Variants in MAIP1 observed in about 807,000 individuals in gnomAD.
MAIP1 encodes m-AAA protease-interacting protein 1, mitochondrial.
A neutral mutation model predicts 31.2 loss-of-function variants in MAIP1; 28 were observed. That is an observed-to-expected ratio of 0.90 (90% CI 0.67 to 1.23). The LOEUF is 1.23. Ranked by LOEUF, MAIP1 falls within the 50% of genes most tolerant of loss-of-function variation. MAIP1 has a pLI of 0.00. For missense variants in MAIP1, 339 were observed against 356.0 expected, an observed-to-expected ratio of 0.95 and a Z score of 0.38; for synonymous variants, 142 against 142.3, an observed-to-expected ratio of 1.00 and a Z score of 0.02.
At chr2:199,955,486 C>T (rs2077591872), upstream of MAIP1, 1 of 1,612,744 alleles carries the variant, frequency 6.2e-7, no homozygotes, top group African/African-American at 1.3e-5. Context: ...CTCACGCCTG[C>T]CCTCTTCCAG....
intron 3 of MAIP1, among the ~76,000 whole-genome samples, chr2:199,961,070 G>A (rs765189373): frequency 6.6e-6 from 1 of 152,134 alleles, no homozygotes; most frequent in African/African-American, 2.4e-5. Flanking sequence ...ACTCTTTCTG[G>A]CAGTTGAAGT....
At chr2:199,963,328 C>G (rs926261888) in intron 4 of MAIP1, among the ~76,000 whole-genome samples, 1 of 151,940 alleles carries the variant, frequency 6.6e-6, no homozygotes, top group African/African-American at 2.4e-5. Flanking sequence ...TAGCTTTTTG[C>G]CTGTATCCTA....
At chr2:199,959,141 T>G in intron 1 of MAIP1, 127 bp from the exon 2 acceptor site, 1 of 597,826 alleles carries the variant, frequency 1.7e-6, no homozygotes, top group Non-Finnish European at 3.0e-6. Flanking sequence ...CTTGATAAAT[T>G]AATATTTGAT....
At chr2:199,955,492 TC>T, upstream of MAIP1, 3 of 1,611,812 alleles carry the variant, frequency 1.9e-6, no homozygotes, top group South Asian at 2.2e-5. Context: ...CCTGCCCTCT[TC>T]CAGGTCTTCG....
In MAIP1 at chr2:199,956,232, C is replaced by T; in HGVS notation, c.434C>T (p.Ser145Phe). Residue 145 changes from serine (S) to phenylalanine (F), a missense_variant, in exon 1 of 5, where the codon TCC becomes TTC. Coordinates refer to ENST00000392290, the MANE Select transcript of MAIP1 (RefSeq NM_001394955.1). ...AAAGAGTTCAGCATCACAGAGTTCT[C>T]CGAGGGAGCGAAGCAGGTTTGTTTA... The part of the protein sequence containing the change: ...FDKEFSITEF[S>F]EGAKQAFAHV... 6.2e-7 allele frequency: 1 copy of T among 1,612,102 alleles called. No individual in the cohort carries two copies. Among genetic ancestry groups the T allele is most frequent in the Non-Finnish European group, 8.5e-7 (1 of 1,178,766 alleles).
In MAIP1 at chr2:199,959,760, C is replaced by CA; in HGVS notation, c.530dup (p.His177GlnfsTer12). 6.2e-7 allele frequency: 1 copy of CA among 1,611,528 alleles called. No homozygotes were observed. Among genetic ancestry groups the CA allele is most frequent in the Non-Finnish European group, 8.5e-7 (1 of 1,179,080 alleles). ...TTGCTTTTTTCAAACTTAGGTGCTA[C>CA]ATGCATTGAAAGAAAAGGTTACTTC... On this transcript the variant is annotated frameshift_variant, in exon 3 of 5. Coordinates refer to ENST00000392290, the MANE Select transcript of MAIP1 (RefSeq NM_001394955.1). LOFTEE classifies it high-confidence loss of function.
intron 3 of MAIP1, among the ~76,000 whole-genome samples, chr2:199,961,241 T>G (rs1397066512): frequency 6.6e-6 from 1 of 152,098 alleles, no homozygotes; most frequent in African/African-American, 2.4e-5. Context: ...GGCAGGTGGA[T>G]CACTTGAGCT....
chr2:199,956,709 A>G (rs2077607528), intron 1 of MAIP1, among the ~76,000 whole-genome samples: 2 of 152,334 alleles, frequency 1.3e-5, no homozygotes, highest in Admixed American at 6.5e-5. Context: ...TAATTGAGAT[A>G]ACATTTCCAA....
Position 199,963,775 on chromosome 2 carries a change from C to A in MAIP1, c.840C>A (p.Thr280=), listed in dbSNP as rs762342853. 5.0e-6 allele frequency: 8 copies of A among 1,609,768 alleles called. No individual in the cohort carries two copies. Among genetic ancestry groups the A allele is most frequent in the Admixed American group, 1.7e-5 (1 of 59,866 alleles). Residue 280 remains threonine (T), a synonymous_variant, in exon 5 of 5, where the codon ACC becomes ACA. Transcript: ENST00000392290. ...EFTQGVKPDW[T]IARIEHSKLL... is the part of the protein sequence containing the mutation. ...CACAAGGAGTAAAGCCTGACTGGAC[C>A]ATTGCACGGATTGAACACTCAAAAT...
At position 199,959,820 on chromosome 2, in the gene MAIP1, A is replaced by G. The variant is rs2077626898; in HGVS notation, c.589A>G (p.Asn197Asp). 1 of 1,611,712 alleles carries G rather than the reference A, an allele frequency of 6.2e-7. No individual in the cohort carries two copies. Among genetic ancestry groups the G allele is most frequent in the East Asian group, 2.2e-5 (1 of 44,768 alleles). Residue 197 changes from asparagine (N) to aspartate (D), a missense_variant, in exon 3 of 5, where the codon AAC becomes GAC. Transcript: ENST00000392290. Reference sequence around the variant, plus strand: ...CAACCATAAAAATGCCCTTGCTGCTAACATAGATGAAATTGTATTTACATC... The same window carrying G: ...CAACCATAAAAATGCCCTTGCTGCTGACATAGATGAAATTGTATTTACATC... ...PDNHKNALAA[N>D]IDEIVFTSTG...
chr2:199,963,974 A>G lies in MAIP1; in HGVS notation c.*163A>G. On this transcript the variant is annotated 3_prime_UTR_variant, in exon 5 of 5. Transcript: ENST00000392290. The stretch of plus-strand genomic sequence containing the variant: ...TATATTGGCATGATACAGTAAAAGC[A>G]TTTTCCACAGATTGTTATCACCTTC... 2.3e-6 allele frequency: 1 copy of G among 435,608 alleles called. No individual in the cohort carries two copies. Among genetic ancestry groups the G allele is most frequent in the East Asian group, 3.5e-5 (1 of 28,564 alleles). The allele number at this position is 435,608 out of a possible 1,614,324, so 27.0% of individuals were successfully genotyped here.
At position 199,955,912 on chromosome 2, in the gene MAIP1, A is replaced by G. The variant is rs767196164; in HGVS notation, c.114A>G (p.Thr38=). The change falls in exon 1 of 5, where the codon ACA becomes ACG. Residue 38 remains threonine (T), a synonymous_variant. Transcript: ENST00000392290. ...AVAEVRLPSA[T]LCYFCRCRLG... ...CCGAGGTGAGGCTGCCGTCGGCCAC[A>G]CTTTGCTACTTCTGCCGCTGTCGCC... The G allele has an allele frequency of 6.3e-7, 1 of 1,590,360 alleles. No individual in the cohort carries two copies. Among genetic ancestry groups the G allele is most frequent in the African/African-American group, 1.3e-5 (1 of 74,358 alleles).
Position 199,961,788 on chromosome 2 carries a change from G to A in MAIP1, c.657G>A (p.Lys219=). The change falls in exon 4 of 5, where the codon AAG becomes AAA. Residue 219 remains lysine (K), a synonymous_variant. Coordinates refer to ENST00000392290, the MANE Select transcript of MAIP1 (RefSeq NM_001394955.1). ...ISIYYDEKGR[K]FVNILMCFWY... ...ATATGTTTTTTCTCTAAGGAAGGAA[G>A]TTTGTTAACATCCTGATGTGCTTTT... 1 of 1,610,980 alleles carries A rather than the reference G, an allele frequency of 6.2e-7. No homozygotes were observed. Among genetic ancestry groups the A allele is most frequent in the South Asian group, 1.1e-5 (1 of 90,148 alleles).
chr2:199,955,588 C>G lies in MAIP1; in HGVS notation c.-211C>G, dbSNP rs2077593656. 1.5e-6 allele frequency: 2 copies of G among 1,377,058 alleles called. No individual in the cohort carries two copies. The highest frequency in any genetic ancestry group is 2.0e-6 in the Non-Finnish European group (2 of 1,012,290). 85.3% of individuals were successfully genotyped at this position (1,377,058 alleles called of 1,614,324 possible). A position where few individuals can be genotyped will look rare whatever the true frequency, so the allele number is the denominator to read the frequency against. On this transcript the variant is annotated 5_prime_UTR_variant, in exon 1 of 5. Transcript: ENST00000392290. Reference sequence around the variant, plus strand: ...AAAGGTCCGCGAGGCCGGCAGACTCCAGAGTGGCTGGGTCCGAGCGCGGGG... The same window carrying G: ...AAAGGTCCGCGAGGCCGGCAGACTCGAGAGTGGCTGGGTCCGAGCGCGGGG...
Position 199,955,979 on chromosome 2 carries a change from T to G in MAIP1, c.181T>G (p.Leu61Val), listed in dbSNP as rs1315484960. ...AALFPRSARA[L>V]AASALPAQGS... The stretch of plus-strand genomic sequence containing the variant: ...GTTATTTCCACGAAGCGCTAGGGCC[T>G]TGGCAGCCTCGGCGCTACCTGCCCA... The change falls in exon 1 of 5, where the codon TTG becomes GTG. Residue 61 changes from leucine (L) to valine (V), a missense_variant. Physicochemically the swap from Leu to Val is conservative, Grantham distance 32. Transcript: ENST00000392290. The G allele has an allele frequency of 1.2e-6, 2 of 1,612,784 alleles. No homozygotes were observed. The highest frequency in any genetic ancestry group is 4.5e-5 in the East Asian group (2 of 44,838).
At chr2:199,955,573 G>A, upstream of MAIP1, 2 of 1,435,462 alleles carry the variant, frequency 1.4e-6, no homozygotes, top group Middle Eastern at 1.9e-4. Flanking sequence ...AAAGGTCCGC[G>A]AGGCCGGCAG....
At chr2:199,957,004 G>C (rs970854912) in intron 1 of MAIP1, among the ~76,000 whole-genome samples, 2 of 147,568 alleles carry the variant, frequency 1.4e-5, no homozygotes, top group African/African-American at 5.0e-5. Flanking sequence ...GGTCACTTGG[G>C]TCCTGAGATT....
At position 199,956,428 on chromosome 2, in the gene MAIP1, G is replaced by A. The variant is rs918493201; in HGVS notation, c.450+180G>A. Among the ~76,000 whole-genome samples, 4 of 152,302 alleles carry A rather than the reference G, an allele frequency of 2.6e-5. No homozygotes were observed. The East Asian group carries it at 7.7e-4, about 29-fold the overall frequency. On this transcript the variant is annotated intron_variant, in intron 1 of 4. Transcript: ENST00000392290. ...AGTAAGCTTCTGGGCCGGGAATGGT[G>A]GTACACGCCTGTAGTCTCAGCTACT... is the stretch of plus-strand genomic sequence containing the variant.
chr2:199,959,882 TA>T lies in MAIP1; in HGVS notation c.649+4del. The T allele has an allele frequency of 6.2e-7, 1 of 1,611,290 alleles. No individual in the cohort carries two copies. The highest frequency in any genetic ancestry group is 8.5e-7 in the Non-Finnish European group (1 of 1,178,838). ...TCTCCATTTACTATGATGAGAAAGG[TA>T]ATACCAGAGCATAGTCAACTTGAAA... is the stretch of plus-strand genomic sequence containing the variant. On this transcript the variant is annotated splice_donor_region_variant and intron_variant, in intron 3 of 4. Transcript: ENST00000392290.
Sources: gnomAD v4.1 joint callset for allele counts (sites outside exome capture counted in the v4.1 genomes callset) on GRCh38, gnomAD v4.1.1 for gene constraint, MANE v1.5 for transcripts, NCBI Gene and HGNC (gene_info 2026-07-23, HGNC 2026-07-21) for gene names.